Variants in MZB1 observed in about 807,000 individuals in gnomAD.
The protein encoded by MZB1 is marginal zone B and B1 cell specific protein, also known as marginal zone B- and B1-cell-specific protein.
A neutral mutation model predicts 17.2 loss-of-function variants in MZB1; 10 were observed. The ratio of observed to expected loss-of-function variants is 0.58; its 90% CI spans 0.36 to 0.98. The LOEUF (loss-of-function observed/expected upper bound fraction) is 0.98, where lower values mean the gene tolerates loss of function less well. MZB1 is among the 50% of genes least tolerant of loss of function. The probability of loss-of-function intolerance (pLI) is 0.01; values close to 1 mark genes in which losing one functional copy is unlikely to be tolerated. For synonymous variants in MZB1, 99 were observed against 98.7 expected (o/e 1.00, Z -0.02); for missense variants, 246 against 237.5 (o/e 1.04, Z -0.23).
rs370994458 is a variant in MZB1 at position 139,388,412 on chromosome 5, C to T, written c.302+49G>A. 2.9e-5 allele frequency: 45 copies of T among 1,534,334 alleles called. No homozygotes were observed. In the African/African-American group the frequency reaches 5.0e-4, roughly 17 times the overall value. On this transcript the variant is annotated intron_variant, in intron 2 of 3. Coordinates refer to ENST00000302125, the MANE Select transcript of MZB1 (RefSeq NM_016459.4). ...CGGCTGAGTGGGAATCTCCACCCAC[C>T]AGGCCTGCCCTTGGAGGAGGGAGGT...
chr5:139,387,695 T>A lies in MZB1; in HGVS notation c.*70A>T, dbSNP rs1758537435. 2 of 1,463,614 alleles carry A rather than the reference T, an allele frequency of 1.4e-6. No homozygotes were observed. Among genetic ancestry groups the A allele is most frequent in the East Asian group, 5.0e-5 (2 of 39,792 alleles). The allele number at this position is 1,463,614 out of a possible 1,614,324, so 90.7% of individuals were successfully genotyped here. A position where few individuals can be genotyped will look rare whatever the true frequency, so the allele number is the denominator to read the frequency against. On this transcript the variant is annotated 3_prime_UTR_variant, in exon 4 of 4. Transcript: ENST00000302125. ...AGCAAGGGCTTCCTGCCCTCCTGGC[T>A]GCCTGCAGACGGGAGTGGAGACCGT...
Position 139,387,564 on chromosome 5 carries a change from G to A in MZB1, c.*201C>T. ...CCACAAGCACCTTTTGCAGAGAAAAGAAGTGAGGTCACTGGGTTTTATTTG... is the reference window on the plus strand; with the variant it reads ...CCACAAGCACCTTTTGCAGAGAAAAAAAGTGAGGTCACTGGGTTTTATTTG... On this transcript the variant is annotated 3_prime_UTR_variant, in exon 4 of 4. Transcript: ENST00000302125. 2.3e-6 allele frequency: 1 copy of A among 428,084 alleles called. No individual in the cohort carries two copies. The highest frequency in any genetic ancestry group is 3.9e-6 in the Non-Finnish European group (1 of 257,604). 26.5% of individuals were successfully genotyped at this position (428,084 alleles called of 1,614,324 possible).
chr5:139,388,252 G>T, intron 2 of MZB1, 121 bp from the exon 3 acceptor site: 1 of 1,135,820 alleles, frequency 8.8e-7, no homozygotes, highest in Non-Finnish European at 1.2e-6. Context: ...GAAAGCCCCT[G>T]GCCCAAGGTC....
chr5:139,388,030 CA>C lies in MZB1; in HGVS notation c.403del (p.Trp135GlyfsTer142). 1 of 1,558,476 alleles carries C rather than the reference CA, an allele frequency of 6.4e-7. No individual in the cohort carries two copies. The highest frequency in any genetic ancestry group is 2.4e-5 in the East Asian group (1 of 41,356). ...AAGCCCCGGGCATCACCTGGTAGGC[CA>C]GGGGCCCCCTGTGACCATCACGCTG... The part of the protein sequence containing the change: ...SISVMVTGGP[W>X]PTRLSRTCLH... On this transcript the variant is annotated frameshift_variant, in exon 3 of 4. Transcript: ENST00000302125. LOFTEE classifies it low-confidence loss of function (END_TRUNC).
At position 139,389,667 on chromosome 5, in the gene MZB1, G is replaced by C. The variant is rs1479776460; in HGVS notation, c.177+13C>G. ...GTGTGAGCAGGGCAGGGTGACAGTG[G>C]TGAAGGACTCACCTGGTAAGCCACA... On this transcript the variant is annotated intron_variant, in intron 1 of 3. Coordinates refer to ENST00000302125, the MANE Select transcript of MZB1 (RefSeq NM_016459.4). The C allele has an allele frequency of 6.3e-7, 1 of 1,585,434 alleles. No individual in the cohort carries two copies. The highest frequency in any genetic ancestry group is 1.8e-5 in the Admixed American group (1 of 55,736).
In MZB1 at chr5:139,387,828, C is replaced by T; in HGVS notation, c.507G>A (p.Leu169=). 6.2e-7 allele frequency: 1 copy of T among 1,600,448 alleles called. No individual in the cohort carries two copies. Among genetic ancestry groups the T allele is most frequent in the South Asian group, 1.1e-5 (1 of 89,354 alleles). ...HQQGRGALEA[L]LCGGPQGACS... is the part of the protein sequence containing the mutation. ...AGGCCCCCTGGGGTCCCCCACATAG[C>T]AATGCCTCCAGAGCCCCTCGGCCTT... The change falls in exon 4 of 4, where the codon TTG becomes TTA. Residue 169 remains leucine, a synonymous_variant. Transcript: ENST00000302125.
chr5:139,388,215 G>T, intron 2 of MZB1, 84 bp from the exon 3 acceptor site: 1 of 1,331,162 alleles, frequency 7.5e-7, no homozygotes, highest in Non-Finnish European at 1.0e-6. Context: ...AGCTGGACAT[G>T]CTGGGCATTT....
intron 1 of MZB1, 125 bp downstream of exon 1, chr5:139,389,555 T>C: frequency 8.6e-7 from 1 of 1,158,578 alleles, no homozygotes; most frequent in African/African-American, 1.5e-5. Flanking sequence ...AGGCTGCATC[T>C]GTGGCTTGAT....
At chr5:139,388,771 G>A in intron 1 of MZB1, 186 bp from the exon 2 acceptor site, 1 of 949,090 alleles carries the variant, frequency 1.1e-6, no homozygotes, top group Non-Finnish European at 1.5e-6. Flanking sequence ...GATGGGGATG[G>A]GGGATGGGAA....
intron 1 of MZB1, chr5:139,389,220 C>G (rs771519978): frequency 3.5e-5 from 11 of 318,604 alleles, no homozygotes; most frequent in Non-Finnish European, 5.6e-5. Flanking sequence ...AAACTGGAGC[C>G]CAATATTCAA....
At chr5:139,388,890 A>C (rs1758559875) in intron 1 of MZB1, 1 of 243,958 alleles carries the variant, frequency 4.1e-6, no homozygotes, top group Admixed American at 5.3e-5. Flanking sequence ...TTATTTAGAG[A>C]GAGTCTCACG....
chr5:139,388,661 A>G (rs1355386370), intron 1 of MZB1, 76 bp from the exon 2 acceptor site: 2 of 1,556,004 alleles, frequency 1.3e-6, no homozygotes, highest in Non-Finnish European at 1.7e-6. Flanking sequence ...GGATAGGAGC[A>G]GAGTCTCTGG....
intron 1 of MZB1, chr5:139,389,301 G>A (rs1737610991): frequency 1.8e-5 from 8 of 445,424 alleles, no homozygotes; most frequent in South Asian, 1.4e-4. Flanking sequence ...AGGTGTGTGT[G>A]TGAAGCCAGA....
In MZB1 at chr5:139,387,756, A is replaced by G; in HGVS notation, c.*9T>C. On this transcript the variant is annotated 3_prime_UTR_variant, in exon 4 of 4. Transcript: ENST00000302125. ...CCCAGCTTCTTTCAGAGGAGGGTAG[A>G]GTCCAGGACTAGAGCTCTTCTCTTG... The G allele has an allele frequency of 6.6e-7, 1 of 1,515,708 alleles. No individual in the cohort carries two copies. 93.9% of individuals were successfully genotyped at this position (1,515,708 alleles called of 1,614,324 possible). A position where few individuals can be genotyped will look rare whatever the true frequency, so the allele number is the denominator to read the frequency against.
chr5:139,388,559 C>A lies in MZB1; in HGVS notation c.204G>T (p.Glu68Asp). Residue 68 changes from glutamate (E) to aspartate (D), a missense_variant, in exon 2 of 4, where the codon GAG (glutamate) becomes GAT (aspartate). Transcript: ENST00000302125. ...CAGAGTTTGAGGTATGAAGTTTGGT[C>A]TCTGCCTTTGCCAGATTTTGCCACA... is the stretch of plus-strand genomic sequence containing the variant. ...YQMWQNLAKA[E>D]TKLHTSNSGG... 1 of 1,601,904 alleles carries A rather than the reference C, an allele frequency of 6.2e-7. No homozygotes were observed. The highest frequency in any genetic ancestry group is 8.5e-7 in the Non-Finnish European group (1 of 1,174,214).
rs769824217 is a variant in MZB1, at chr5:139,387,835, T to C, written c.500A>G (p.Glu167Gly). Residue 167 changes from glutamate to glycine, a missense_variant, in exon 4 of 4, where the codon GAG (glutamate) becomes GGG (glycine). Glu to Gly is a moderately conservative substitution (Grantham distance 98). Transcript: ENST00000302125. Reference sequence around the variant, plus strand: ...CTGGGGTCCCCCACATAGCAATGCCTCCAGAGCCCCTCGGCCTTGTTGGTG... The same window carrying C: ...CTGGGGTCCCCCACATAGCAATGCCCCCAGAGCCCCTCGGCCTTGTTGGTG... Reference protein sequence around the residue: ...EAHQQGRGALEALLCGGPQGA... With the variant: ...EAHQQGRGALGALLCGGPQGA... 6.2e-7 allele frequency: 1 copy of C among 1,604,570 alleles called. No homozygotes were observed. The highest frequency in any genetic ancestry group is 2.2e-5 in the East Asian group (1 of 44,786).
chr5:139,388,443 G>T lies in MZB1; in HGVS notation c.302+18C>A, dbSNP rs1252871657. The T allele has an allele frequency of 1.0e-5, 16 of 1,577,688 alleles. No homozygotes were observed. The East Asian group carries it at 3.7e-4, about 36-fold the overall frequency. ...TGCCCTTGGAGGAGGGAGGTGGGGG[G>T]CAGGATTGGCAACTCACTCCTGCCA... On this transcript the variant is annotated intron_variant, in intron 2 of 3. Coordinates refer to ENST00000302125, the MANE Select transcript of MZB1 (RefSeq NM_016459.4).
intron 1 of MZB1, 39 bp downstream of exon 1, chr5:139,389,641 G>T: frequency 6.4e-7 from 1 of 1,562,920 alleles, no homozygotes; most frequent in Non-Finnish European, 8.7e-7. Context: ...CTTGAGAAGG[G>T]GTGTGAGCAG....
At position 139,387,614 on chromosome 5, in the gene MZB1, C is replaced by A; in HGVS notation, c.*151G>T. 1 of 914,608 alleles carries A rather than the reference C, an allele frequency of 1.1e-6. No individual in the cohort carries two copies. The highest frequency in any genetic ancestry group is 1.5e-6 in the Non-Finnish European group (1 of 661,166). 56.7% of individuals were successfully genotyped at this position (914,608 alleles called of 1,614,324 possible). ...GAGTCCAGAGGGGAAGGCGTTGACT[C>A]CCACCCAGGCCCGAGTGCCCTGAGG... On this transcript the variant is annotated 3_prime_UTR_variant, in exon 4 of 4. Coordinates refer to ENST00000302125, the MANE Select transcript of MZB1 (RefSeq NM_016459.4).
Sources: allele counts gnomAD v4.1 joint callset, GRCh38; gene constraint gnomAD v4.1.1; transcripts MANE v1.5; gene names NCBI Gene and HGNC (gene_info 2026-07-23, HGNC 2026-07-21).